Variants in ASAP3 observed in about 807,000 individuals in gnomAD.
ASAP3 encodes the protein ArfGAP with SH3 domain, ankyrin repeat and PH domain 3.
ASAP3 carries 85 observed loss-of-function variants against 118.2 expected under a neutral mutation model. That is an observed-to-expected ratio of 0.72 (90% CI 0.60 to 0.86). ASAP3 has a LOEUF of 0.86. ASAP3 is among the 40% of genes least tolerant of loss of function. The probability of loss-of-function intolerance (pLI) is 0.00; values close to 1 mark genes in which losing one functional copy is unlikely to be tolerated. For synonymous variants in ASAP3, 432 were observed against 477.4 expected (o/e 0.90, Z 1.24); for missense variants, 1,026 against 1,175.0 (o/e 0.87, Z 1.85).
At chr1:23,473,352 C>G (rs746811310) in intron 1 of ASAP3, among the ~76,000 whole-genome samples, 45 of 152,316 alleles carry the variant, frequency 3.0e-4, no homozygotes, top group Admixed American at 9.1e-4. Flanking sequence ...CCTTCAGCAG[C>G]TGTTCCCAGC....
At position 23,429,662 on chromosome 1, in the gene ASAP3, T is replaced by C. The variant is rs1198432; in HGVS notation, c.*194A>G. 488,375 of 550,902 alleles carry C rather than the reference T, an allele frequency of 0.89. 216,683 individuals carry two copies. Among genetic ancestry groups the C allele is most frequent in the Middle Eastern group, 0.93 (1,899 of 2,050 alleles). 34.1% of individuals were successfully genotyped at this position (550,902 alleles called of 1,614,324 possible). On this transcript the variant is annotated 3_prime_UTR_variant, in exon 25 of 25. Transcript: ENST00000336689. The stretch of plus-strand genomic sequence containing the variant: ...TGAGATAGGAAAGAACCGCCATCAG[T>C]CCTAACAGGGAAAGGCCATGTGTCC...
At chr1:23,484,208 C>T (rs1570431208), upstream of ASAP3, 3 of 1,204,960 alleles carry the variant, frequency 2.5e-6, no homozygotes, top group Non-Finnish European at 2.1e-6. Context: ...CCGGCCTCAC[C>T]GCCGGCCGGG....
intron 6 of ASAP3, 79 bp downstream of exon 6, chr1:23,442,422 G>A: frequency 6.3e-7 from 1 of 1,596,282 alleles, no homozygotes; most frequent in South Asian, 1.1e-5. Flanking sequence ...CCTGAGCTGA[G>A]GCTGTGACTG....
rs1642043354 is a variant in ASAP3 at position 23,474,016 on chromosome 1, T to C, written c.129+9989A>G. On this transcript the variant is annotated intron_variant, in intron 1 of 24. Coordinates refer to ENST00000336689, the MANE Select transcript of ASAP3 (RefSeq NM_017707.4). ...TTTTTTTTGAGATGGAGCCTTGCTG[T>C]GTCTGCAGTGGCACAATCTCGGCTC... Among the ~76,000 whole-genome samples the C allele has an allele frequency of 2.1e-5, 3 of 140,248 alleles. No homozygotes were observed. The South Asian group carries it at 7.6e-4, about 35-fold the overall frequency. 92.0% of individuals were successfully genotyped at this position (140,248 alleles called of 152,430 possible).
At chr1:23,482,339 T>C (rs570569021) in intron 1 of ASAP3, among the ~76,000 whole-genome samples, 1 of 152,136 alleles carries the variant, frequency 6.6e-6, no homozygotes, top group Non-Finnish European at 1.5e-5. Flanking sequence ...CTGACCAACA[T>C]GGTGAAACCC....
chr1:23,429,741 G>T lies in ASAP3; in HGVS notation c.*115C>A. 3 of 1,070,658 alleles carry T rather than the reference G, an allele frequency of 2.8e-6. No homozygotes were observed. The highest frequency in any genetic ancestry group is 4.1e-6 in the Non-Finnish European group (3 of 740,640). The allele number at this position is 1,070,658 out of a possible 1,614,324, so 66.3% of individuals were successfully genotyped here. A position where few individuals can be genotyped will look rare whatever the true frequency, so the allele number is the denominator to read the frequency against. On this transcript the variant is annotated 3_prime_UTR_variant, in exon 25 of 25. Transcript: ENST00000336689. Reference sequence around the variant, plus strand: ...GAAGGCCAGCTACAGAGGCACAAGGGACAGAGAGAGTGAGATCCAAGAGAA... The same window carrying T: ...GAAGGCCAGCTACAGAGGCACAAGGTACAGAGAGAGTGAGATCCAAGAGAA...
At chr1:23,451,723 C>T (rs1273771897) in intron 4 of ASAP3, among the ~76,000 whole-genome samples, 195 bp from the exon 5 acceptor site, 1 of 152,158 alleles carries the variant, frequency 6.6e-6, no homozygotes, top group East Asian at 1.9e-4. Context: ...CCCCATTTCT[C>T]AGAGCTAAGG....
rs185118352 is a variant in ASAP3 at position 23,439,545 on chromosome 1, G to A, written c.945-315C>T. ...CTCCCAGTCTGATGGGGGAGACATA[G>A]CTTATATCATTAGGGAGCTCCTAGT... On this transcript the variant is annotated intron_variant, in intron 10 of 24. Coordinates refer to ENST00000336689, the MANE Select transcript of ASAP3 (RefSeq NM_017707.4). Among the ~76,000 whole-genome samples the A allele has an allele frequency of 8.5e-5, 13 of 152,244 alleles. No homozygotes were observed. The East Asian group carries it at 2.5e-3, about 29-fold the overall frequency.
chr1:23,456,278 A>AC (rs1274594579), intron 1 of ASAP3, 84 bp from the exon 2 acceptor site: 17 of 1,269,390 alleles, frequency 1.3e-5, no homozygotes, highest in South Asian at 6.5e-5. Context: ...TATGATTTCC[A>AC]CCCCCCAACC....
At position 23,436,709 on chromosome 1, in the gene ASAP3, G is replaced by T; in HGVS notation, c.1477-55C>A. 1.2e-6 allele frequency: 2 copies of T among 1,604,306 alleles called. No individual in the cohort carries two copies. Among genetic ancestry groups the T allele is most frequent in the South Asian group, 2.2e-5 (2 of 90,790 alleles). ...GGAGTAAGACCGGGCGGTTAAGCCT[G>T]CATAGGGTGGAGCTCCAAGCCCCCA... is the stretch of plus-strand genomic sequence containing the variant. On this transcript the variant is annotated intron_variant, in intron 15 of 24. Coordinates refer to ENST00000336689, the MANE Select transcript of ASAP3 (RefSeq NM_017707.4). The surrounding 1 kb of genome is among the most constrained non-coding windows in gnomAD (Gnocchi z 4.2).
chr1:23,440,069 G>C (rs1156402539), intron 10 of ASAP3, among the ~76,000 whole-genome samples: 3 of 150,572 alleles, frequency 2.0e-5, no homozygotes, highest in Non-Finnish European at 4.4e-5. Context: ...GCCTGCCTTG[G>C]CCTCCCAAAG....
rs1171635805 is a variant in ASAP3 at position 23,437,873 on chromosome 1, C to A, written c.1103-401G>T. ...TCCCTGCTTCCCATTTCCCCTTTCC[C>A]CTAGCCTGTACCAGCTCCCAACTGT... On this transcript the variant is annotated intron_variant, in intron 12 of 24. Coordinates refer to ENST00000336689, the MANE Select transcript of ASAP3 (RefSeq NM_017707.4). The surrounding 1 kb of genome is among the most constrained non-coding windows in gnomAD (Gnocchi z 6.1). 6.6e-6 allele frequency among the ~76,000 whole-genome samples: 1 copy of A among 152,164 alleles called. No individual in the cohort carries two copies. Among genetic ancestry groups the A allele is most frequent in the East Asian group, 1.9e-4 (1 of 5,196 alleles).
intron 1 of ASAP3, among the ~76,000 whole-genome samples, chr1:23,464,963 C>T (rs1460270167): frequency 6.6e-6 from 1 of 152,142 alleles, no homozygotes; most frequent in Non-Finnish European, 1.5e-5. Flanking sequence ...ATGGGGCTGT[C>T]CCCAAACTAC....
chr1:23,470,512 C>A (rs569574911), intron 1 of ASAP3, among the ~76,000 whole-genome samples: 175 of 152,362 alleles, frequency 1.1e-3, no homozygotes, highest in Non-Finnish European at 2.1e-3. Context: ...CAGCCCCAGC[C>A]CTGCCCCTGT....
At chr1:23,467,471 A>G (rs12739585) in intron 1 of ASAP3, among the ~76,000 whole-genome samples, 2 of 152,324 alleles carry the variant, frequency 1.3e-5, no homozygotes, top group East Asian at 3.9e-4. Context: ...ATTAAACTAG[A>G]GTTGGCAGAG....
At chr1:23,430,950 C>A in intron 24 of ASAP3, 85 bp downstream of exon 24, 1 of 1,308,742 alleles carries the variant, frequency 7.6e-7, no homozygotes, top group Non-Finnish European at 1.0e-6. Context: ...GGGAGGTCTC[C>A]CACCCCAATA....
intron 5 of ASAP3, among the ~76,000 whole-genome samples, chr1:23,448,416 A>G (rs1641112239): frequency 6.6e-6 from 1 of 152,174 alleles, no homozygotes; most frequent in Non-Finnish European, 1.5e-5. Context: ...TGCCTGGCAC[A>G]AAGGAAACTC....
chr1:23,455,972 C>T lies in ASAP3; in HGVS notation c.257G>A (p.Ser86Asn). The T allele has an allele frequency of 6.2e-7, 1 of 1,614,098 alleles. No individual in the cohort carries two copies. Among genetic ancestry groups the T allele is most frequent in the Admixed American group, 1.7e-5 (1 of 60,010 alleles). ...CTCATGGCTGTTCTGGGACAGGTGG[C>T]TGTTGCCTAAGGATTCCACGGCCTC... ...YREAVESLGN[S>N]HLSQNSHELS... The change falls in exon 3 of 25, where the codon AGC (serine) becomes AAC (asparagine). Residue 86 changes from serine to asparagine, a missense_variant. Physicochemically the swap from Ser to Asn is conservative, Grantham distance 46 (BLOSUM62 1). Coordinates refer to ENST00000336689, the MANE Select transcript of ASAP3 (RefSeq NM_017707.4).
In ASAP3 at chr1:23,452,742, G is replaced by A. The variant is rs1381040081; in HGVS notation, c.378C>T (p.Phe126=). Residue 126 remains phenylalanine, a synonymous_variant, in exon 4 of 25, where the codon TTC becomes TTT. Coordinates refer to ENST00000336689, the MANE Select transcript of ASAP3 (RefSeq NM_017707.4). The part of the protein sequence containing the change: ...LIQNLNNIVS[F]PLDSLMKGQL... ...GCCCCTTCATCAGACTGTCCAGGGG[G>A]AAAGAGACAATGTTGTTCAAGTTCT... 1 of 1,613,942 alleles carries A rather than the reference G, an allele frequency of 6.2e-7. No individual in the cohort carries two copies. Among genetic ancestry groups the A allele is most frequent in the Non-Finnish European group, 8.5e-7 (1 of 1,180,024 alleles).
Sources: gnomAD v4.1 joint callset for allele counts (sites outside exome capture counted in the v4.1 genomes callset) on GRCh38, gnomAD v4.1.1 for gene constraint, Gnocchi (gnomAD v3.1) non-coding constraint, MANE v1.5 for transcripts, NCBI Gene and HGNC (gene_info 2026-07-23, HGNC 2026-07-21) for gene names.